Variants in AKAP10 observed in about 807,000 individuals in gnomAD.
The protein encoded by AKAP10 is A-kinase anchor protein 10, mitochondrial.
AKAP10 carries 24 observed loss-of-function variants against 80.8 expected under a neutral mutation model. The observed-to-expected ratio is 0.30, with a 90% confidence interval of 0.22 to 0.42. The LOEUF is 0.42. Ranked by LOEUF, AKAP10 falls within the 10% of genes least tolerant of loss-of-function variation. The pLI, the probability that AKAP10 is intolerant of heterozygous loss-of-function variation, is 1.00. For synonymous variants in AKAP10, 291 were observed against 277.7 expected, an observed-to-expected ratio of 1.05 and a Z score of -0.48; for missense variants, 661 against 794.9, an observed-to-expected ratio of 0.83 and a Z score of 2.03.
At chr17:19,935,239 C>T (rs1396937675) in intron 9 of AKAP10, among the ~76,000 whole-genome samples, 1 of 151,918 alleles carries the variant, frequency 6.6e-6, no homozygotes. Context: ...TATTTAAACA[C>T]AAATACAGAA....
rs2043359343 is a variant in AKAP10 at position 19,962,277 on chromosome 17, TAC to T, written c.319+561_319+562del. 2.0e-4 allele frequency among the ~76,000 whole-genome samples: 28 copies of T among 140,576 alleles called. No individual in the cohort carries two copies. In the Admixed American group the frequency reaches 2.0e-3, roughly 10 times the overall value. 92.2% of individuals were successfully genotyped at this position (140,576 alleles called of 152,430 possible). On this transcript the variant is annotated intron_variant, in intron 3 of 14. Transcript: ENST00000225737. ...ATAGCCTTCAACATACATACATACA[TAC>T]ATACATACATACATATACACACACA...
intron 1 of AKAP10, 82 bp downstream of exon 1, chr17:19,977,508 TTG>T: frequency 2.7e-6 from 3 of 1,101,832 alleles, no homozygotes; most frequent in Non-Finnish European, 3.5e-6. Context: ...TGCTGCCGCC[TTG>T]GGGAAAGCCC....
Position 19,947,478 on chromosome 17 carries a change from A to C in AKAP10, c.905T>G (p.Phe302Cys). The C allele has an allele frequency of 6.2e-7, 1 of 1,613,058 alleles. No individual in the cohort carries two copies. The highest frequency in any genetic ancestry group is 8.5e-7 in the Non-Finnish European group (1 of 1,179,170). The change falls in exon 5 of 15, where the codon TTT (phenylalanine) becomes TGT (cysteine). Residue 302 changes from phenylalanine to cysteine, a missense_variant. By Grantham distance (205) the Phe-to-Cys change is radical (BLOSUM62 -2). Transcript: ENST00000225737. ...KSIEQDAVNT[F>C]TKYISPDAAK... is the part of the protein sequence containing the mutation. ...AGCATCTGGAGATATATATTTGGTA[A>C]AAGTATTCACTGCATCTTGTTCTAT...
intron 5 of AKAP10, among the ~76,000 whole-genome samples, chr17:19,946,272 T>TA (rs2043127572): frequency 1.6e-4 from 5 of 30,378 alleles, no homozygotes; most frequent in Non-Finnish European, 2.9e-4. Flanking sequence ...TATATATATA[T>TA]ATATTTTTTT....
intron 8 of AKAP10, among the ~76,000 whole-genome samples, chr17:19,938,813 C>T (rs1219961243): frequency 6.6e-6 from 1 of 151,690 alleles, no homozygotes. Flanking sequence ...CTCACTGCAG[C>T]CTCGACCTCC....
chr17:19,939,634 G>A (rs758907451), intron 8 of AKAP10, 79 bp downstream of exon 8: 1 of 1,508,756 alleles, frequency 6.6e-7, no homozygotes, highest in Non-Finnish European at 9.0e-7. Context: ...CAGAGACTGA[G>A]TTTATTCATC....
At chr17:19,967,410 G>A (rs12325682) in intron 2 of AKAP10, among the ~76,000 whole-genome samples, 2,897 of 152,314 alleles carry the variant, frequency 0.019, 77 homozygotes, top group African/African-American at 0.065. Context: ...AGCCTTATAA[G>A]TGTCAGTGCT....
chr17:19,964,272 C>T (rs181655785), intron 2 of AKAP10, among the ~76,000 whole-genome samples: 21 of 152,280 alleles, frequency 1.4e-4, no homozygotes, highest in Admixed American at 5.9e-4. Context: ...AGGCTTTCCC[C>T]GGTCCCTCTT....
chr17:19,942,109 T>C (rs2043056606), intron 5 of AKAP10, among the ~76,000 whole-genome samples, 199 bp from the exon 6 acceptor site: 1 of 152,100 alleles, frequency 6.6e-6, no homozygotes, highest in African/African-American at 2.4e-5. Flanking sequence ...AATCAAAAGA[T>C]TTAACAACAT....
chr17:19,945,368 C>T (rs1008482987), intron 5 of AKAP10, among the ~76,000 whole-genome samples: 4 of 152,150 alleles, frequency 2.6e-5, no homozygotes, highest in Non-Finnish European at 5.9e-5. Context: ...ATTCTTCAAA[C>T]AGGCAAACTC....
intron 2 of AKAP10, among the ~76,000 whole-genome samples, 160 bp downstream of exon 2, chr17:19,968,254 T>C (rs2043448262): frequency 6.7e-6 from 1 of 148,518 alleles, no homozygotes; most frequent in African/African-American, 2.5e-5. Context: ...TGTTAAAGCA[T>C]TATACAGGTT....
At chr17:19,941,586 C>A (rs1294700462) in intron 6 of AKAP10, among the ~76,000 whole-genome samples, 1 of 151,990 alleles carries the variant, frequency 6.6e-6, no homozygotes, top group African/African-American at 2.4e-5. Flanking sequence ...GAACTAAAAA[C>A]AAATTATTTT....
intron 12 of AKAP10, among the ~76,000 whole-genome samples, chr17:19,914,507 T>C (rs2042723411): frequency 6.6e-6 from 1 of 150,404 alleles, no homozygotes; most frequent in Admixed American, 6.7e-5. Flanking sequence ...CCAAGTATGG[T>C]GGTGTGTGCC....
At chr17:19,930,738 G>A (rs2042923278) in intron 10 of AKAP10, among the ~76,000 whole-genome samples, 1 of 152,076 alleles carries the variant, frequency 6.6e-6, no homozygotes, top group Admixed American at 6.5e-5. Context: ...TTGAGATGGA[G>A]TCTCACTCTG....
intron 10 of AKAP10, among the ~76,000 whole-genome samples, chr17:19,931,510 C>T (rs2042932733): frequency 6.6e-6 from 1 of 151,620 alleles, no homozygotes; most frequent in Non-Finnish European, 1.5e-5. Flanking sequence ...CCTGCCTCAG[C>T]CTCCCAAGTA....
In AKAP10 at chr17:19,927,399, C is replaced by G. The variant is rs571900730; in HGVS notation, c.1642-2882G>C. ...TAAAAGGTAGAGGAAAGACAACTCA[C>G]AGAATGAAGAAAATACCTGGAAATA... On this transcript the variant is annotated intron_variant, in intron 10 of 14. Coordinates refer to ENST00000225737, the MANE Select transcript of AKAP10 (RefSeq NM_007202.4). Among the ~76,000 whole-genome samples, 62 of 152,090 alleles carry G rather than the reference C, an allele frequency of 4.1e-4. No individual in the cohort carries two copies. The Middle Eastern group carries it at 0.01, about 25-fold the overall frequency.
chr17:19,947,125 T>C (rs2043142665), intron 5 of AKAP10: 1 of 391,466 alleles, frequency 2.6e-6, no homozygotes, highest in Admixed American at 4.1e-5. Context: ...TCTGTGCCGG[T>C]TAGCGTAGCC....
chr17:19,920,673 T>C (rs954922250), intron 11 of AKAP10, among the ~76,000 whole-genome samples: 22 of 151,846 alleles, frequency 1.4e-4, no homozygotes, highest in African/African-American at 5.3e-4. Context: ...TGAAACCCTG[T>C]CTCTACTAAA....
intron 3 of AKAP10, among the ~76,000 whole-genome samples, chr17:19,960,265 T>C (rs2043332565): frequency 1.3e-5 from 2 of 152,188 alleles, no homozygotes; most frequent in Non-Finnish European, 2.9e-5. Context: ...TTTTATCACA[T>C]TGAGATTTCT....
Sources: allele counts gnomAD v4.1 joint callset (sites outside exome capture counted in the v4.1 genomes callset), GRCh38; gene constraint gnomAD v4.1.1; transcripts MANE v1.5; gene names NCBI Gene and HGNC (gene_info 2026-07-23, HGNC 2026-07-21).